ERC2: variants seen among roughly 807,000 people sequenced by gnomAD.
ERC2 encodes the protein ERC protein 2.
Under a neutral mutation model 114.8 loss-of-function variants are expected in ERC2, and 42 were observed. The observed-to-expected ratio is 0.37, with a 90% CI of 0.29 to 0.47. ERC2 has a LOEUF of 0.47. ERC2 is among the 20% of genes least tolerant of loss of function. The probability of loss-of-function intolerance (pLI) is 0.99; values close to 1 mark genes in which losing one functional copy is unlikely to be tolerated. For missense variants in ERC2, 939 were observed against 1,150.7 expected (o/e 0.82, Z 2.66); for synonymous variants, 454 against 425.5 (o/e 1.07, Z -0.82).
chr3:55,807,847 T>A (rs1241706217), intron 14 of ERC2, among the ~76,000 whole-genome samples: 1 of 152,216 alleles, frequency 6.6e-6, no homozygotes, highest in Non-Finnish European at 1.5e-5. Context: ...TCTTTGGGCT[T>A]ATTTAGACTG....
rs186918021 is a variant in ERC2 at position 56,149,037 on chromosome 3, G to C, written c.1245C>G (p.Arg415=). 6.2e-7 allele frequency: 1 copy of C among 1,613,070 alleles called. No homozygotes were observed. The highest frequency in any genetic ancestry group is 1.3e-5 in the African/African-American group (1 of 74,826). The change falls in exon 5 of 18, where the codon CGC becomes CGG. Residue 415 remains arginine, a synonymous_variant. Coordinates refer to ENST00000288221, the MANE Select transcript of ERC2 (RefSeq NM_015576.3). ...KANGVLNTED[R]EEEIKQIEVY... ...CCTCAATTTGTTTGATCTCTTCTTC[G>C]CGGTCCTCAGTGTTCAGCACACCAT...
At chr3:55,534,637 A>G (rs2053878887) in intron 17 of ERC2, among the ~76,000 whole-genome samples, 1 of 152,132 alleles carries the variant, frequency 6.6e-6, no homozygotes, top group South Asian at 2.1e-4. Context: ...TCGAGGCTGC[A>G]GTGAGCTGAG....
chr3:56,283,075 C>T (rs1330322412), intron 3 of ERC2, among the ~76,000 whole-genome samples: 1 of 152,234 alleles, frequency 6.6e-6, no homozygotes, highest in Non-Finnish European at 1.5e-5. Flanking sequence ...CATGATTGCT[C>T]TACCTGTAAG....
At chr3:56,360,278 C>T (rs921046420) in intron 2 of ERC2, among the ~76,000 whole-genome samples, 9 of 151,916 alleles carry the variant, frequency 5.9e-5, no homozygotes, top group Admixed American at 5.9e-4. Flanking sequence ...TTGTGATCCG[C>T]CTGCCTCAGC....
At chr3:55,592,610 T>G (rs2057944890) in intron 17 of ERC2, among the ~76,000 whole-genome samples, 1 of 152,208 alleles carries the variant, frequency 6.6e-6, no homozygotes, top group African/African-American at 2.4e-5. Context: ...GGTCCTCAGC[T>G]TCTTGTCTAC....
chr3:56,325,688 C>T (rs1379629661), intron 2 of ERC2, among the ~76,000 whole-genome samples: 1 of 152,140 alleles, frequency 6.6e-6, no homozygotes, highest in African/African-American at 2.4e-5. Flanking sequence ...AAATAACTGA[C>T]ATTTGTAAAG....
At chr3:55,559,116 T>A (rs1045592930) in intron 17 of ERC2, among the ~76,000 whole-genome samples, 2 of 152,216 alleles carry the variant, frequency 1.3e-5, no homozygotes, top group African/African-American at 4.8e-5. Context: ...CATGGCCTTT[T>A]AACCAGTTTT....
intron 14 of ERC2, among the ~76,000 whole-genome samples, chr3:55,741,808 C>A (rs2065976538): frequency 6.6e-6 from 1 of 152,098 alleles, no homozygotes; most frequent in African/African-American, 2.4e-5. Context: ...AGAAATAAAT[C>A]TATAAAAGTC....
intron 14 of ERC2, among the ~76,000 whole-genome samples, chr3:55,773,373 G>A (rs2068365948): frequency 6.6e-6 from 1 of 152,064 alleles, no homozygotes; most frequent in Non-Finnish European, 1.5e-5. Flanking sequence ...TTCTCTATGA[G>A]GTCTTTTCAT....
In ERC2 at chr3:55,530,806, T is replaced by C. The variant is rs533460074; in HGVS notation, c.*40-19530A>G. On this transcript the variant is annotated intron_variant, in intron 17 of 17. Transcript: ENST00000288221. ...ATCACTGGGAAATCAAATCCAAGTG[T>C]TAAGTGTTACGAAGCCTAATTATTA... is the stretch of plus-strand genomic sequence containing the variant. Among the ~76,000 whole-genome samples the C allele has an allele frequency of 5.9e-5, 9 of 152,242 alleles. 1 individual carries two copies. The highest frequency in any genetic ancestry group is 5.9e-4 in the Admixed American group (9 of 15,300).
chr3:55,964,342 T>A (rs1039808234), intron 12 of ERC2, among the ~76,000 whole-genome samples: 2 of 152,206 alleles, frequency 1.3e-5, no homozygotes, highest in Non-Finnish European at 2.9e-5. Flanking sequence ...GATCATGGCA[T>A]CTATTATGCT....
intron 2 of ERC2, among the ~76,000 whole-genome samples, chr3:56,356,435 G>A (rs1157545894): frequency 6.6e-6 from 1 of 152,154 alleles, no homozygotes; most frequent in East Asian, 1.9e-4. Flanking sequence ...GGAGCCCCTG[G>A]CTAAGGCCTG....
intron 2 of ERC2, among the ~76,000 whole-genome samples, chr3:56,357,278 C>A (rs183391619): frequency 6.6e-6 from 1 of 152,340 alleles, no homozygotes; most frequent in Admixed American, 6.5e-5. Flanking sequence ...CTGTTAGAAG[C>A]CAGACTCTTC....
chr3:55,571,388 A>G (rs1398382801), intron 17 of ERC2, among the ~76,000 whole-genome samples: 3 of 152,026 alleles, frequency 2.0e-5, no homozygotes, highest in Admixed American at 2.0e-4. Context: ...ATGCAAACCA[A>G]TCAATCCAAA....
intron 14 of ERC2, among the ~76,000 whole-genome samples, chr3:55,828,313 C>A (rs989026083): frequency 6.6e-6 from 1 of 152,148 alleles, no homozygotes; most frequent in Admixed American, 6.5e-5. Flanking sequence ...GGAGCAACCA[C>A]AAAATAAAAA....
chr3:56,402,789 T>C (rs2060569836), intron 2 of ERC2, among the ~76,000 whole-genome samples: 1 of 152,306 alleles, frequency 6.6e-6, no homozygotes, highest in Non-Finnish European at 1.5e-5. Flanking sequence ...TCTATGCTTG[T>C]TTTCACTAAT....
chr3:55,726,011 C>A (rs2064891127), intron 15 of ERC2, among the ~76,000 whole-genome samples: 1 of 152,136 alleles, frequency 6.6e-6, no homozygotes, highest in Non-Finnish European at 1.5e-5. Context: ...TCAGGCTTTA[C>A]CTCCATAAGA....
chr3:55,572,480 G>T (rs965871659), intron 17 of ERC2, among the ~76,000 whole-genome samples: 2 of 152,206 alleles, frequency 1.3e-5, no homozygotes, highest in Non-Finnish European at 2.9e-5. Context: ...AACACCAGGG[G>T]CCATTTTTTG....
chr3:55,961,000 G>A (rs549335134), intron 12 of ERC2, among the ~76,000 whole-genome samples: 13 of 152,366 alleles, frequency 8.5e-5, no homozygotes, highest in Admixed American at 2.6e-4. Flanking sequence ...CAGGTGTGGT[G>A]GCAGGCACCT....
Sources: gnomAD v4.1 joint callset for allele counts (sites outside exome capture counted in the v4.1 genomes callset) on GRCh38, gnomAD v4.1.1 for gene constraint, MANE v1.5 for transcripts, NCBI Gene and HGNC (gene_info 2026-07-23, HGNC 2026-07-21) for gene names.